FNDC3A: variants seen among roughly 807,000 people sequenced by gnomAD.
FNDC3A encodes fibronectin type III domain containing 3A.
FNDC3A carries 32 observed loss-of-function variants against 148.9 expected under a neutral mutation model. The observed-to-expected ratio is 0.21, with a 90% CI of 0.16 to 0.29. The LOEUF is 0.29. Among genes scored for constraint, FNDC3A ranks in the 10% least tolerant of loss-of-function variants. FNDC3A has a pLI of 1.00. For synonymous variants in FNDC3A, 472 were observed against 473.6 expected (o/e 1.00, Z 0.04); for missense variants, 1,191 against 1,452.8 (o/e 0.82, Z 2.93).
At chr13:49,111,929 AC>A (rs1935360773) in intron 3 of FNDC3A, among the ~76,000 whole-genome samples, 1 of 152,168 alleles carries the variant, frequency 6.6e-6, no homozygotes, top group South Asian at 2.1e-4. Flanking sequence ...TAATTAAAAA[AC>A]AAAGTAGAAT....
intron 1 of FNDC3A, among the ~76,000 whole-genome samples, chr13:48,979,726 G>A (rs1951664936): frequency 6.6e-6 from 1 of 152,058 alleles, no homozygotes; most frequent in African/African-American, 2.4e-5. Context: ...TATGGCTTAG[G>A]TCAGGGGTCG....
At chr13:49,025,082 T>G (rs993546630) in intron 2 of FNDC3A, among the ~76,000 whole-genome samples, 2 of 152,038 alleles carry the variant, frequency 1.3e-5, no homozygotes. Context: ...CCGTAAATCA[T>G]TAGATTTAAA....
In FNDC3A at chr13:48,989,261, A is replaced by G; in HGVS notation, c.-40+13084A>G. Among the ~76,000 whole-genome samples the G allele has an allele frequency of 1.3e-5, 2 of 152,246 alleles. 1 individual carries two copies. The highest frequency in any genetic ancestry group is 4.1e-4 in the South Asian group (2 of 4,834). ...ATCTCCAGATTATTTATGGAAATACAAAAATATCCAACAGCCAACAAGATA... is the reference window on the plus strand; with the variant it reads ...ATCTCCAGATTATTTATGGAAATACGAAAATATCCAACAGCCAACAAGATA... On this transcript the variant is annotated intron_variant, in intron 1 of 25. Transcript: ENST00000492622.
At chr13:49,098,676 A>G (rs983092745) in intron 3 of FNDC3A, among the ~76,000 whole-genome samples, 2 of 152,072 alleles carry the variant, frequency 1.3e-5, no homozygotes, top group African/African-American at 2.4e-5. Context: ...TCATTCTTCA[A>G]ATGTACTCTA....
intron 25 of FNDC3A, 99 bp downstream of exon 25, chr13:49,203,383 C>A: frequency 2.5e-6 from 2 of 815,048 alleles, no homozygotes; most frequent in South Asian, 1.8e-5. Flanking sequence ...CCTTTTAATT[C>A]ATAAATATTT....
chr13:49,137,189 A>G (rs974707501), intron 6 of FNDC3A, among the ~76,000 whole-genome samples: 2 of 152,122 alleles, frequency 1.3e-5, no homozygotes, highest in Non-Finnish European at 2.9e-5. Flanking sequence ...AAATAGTTAT[A>G]TCATTTACTA....
intron 8 of FNDC3A, among the ~76,000 whole-genome samples, chr13:49,157,407 TA>T (rs1291927206): frequency 1.5e-5 from 2 of 135,184 alleles, no homozygotes; most frequent in African/African-American, 2.8e-5. Context: ...TTGGTTATTC[TA>T]GTTATACATT....
intron 2 of FNDC3A, among the ~76,000 whole-genome samples, chr13:49,066,916 A>G (rs1181174335): frequency 1.3e-5 from 2 of 152,042 alleles, no homozygotes; most frequent in African/African-American, 2.4e-5. Context: ...TGAGACTAGC[A>G]TTGTTTTGCA....
intron 2 of FNDC3A, among the ~76,000 whole-genome samples, chr13:49,057,966 C>T (rs1566219864): frequency 6.6e-6 from 1 of 152,040 alleles, no homozygotes; most frequent in Non-Finnish European, 1.5e-5. Flanking sequence ...AAGTCCTAAC[C>T]CCTAGTACCT....
At chr13:49,047,792 TTTAA>T (rs1875529774) in intron 2 of FNDC3A, among the ~76,000 whole-genome samples, 1 of 152,220 alleles carries the variant, frequency 6.6e-6, no homozygotes, top group Admixed American at 6.5e-5. Context: ...AACTTTTTAG[TTTAA>T]TTAAGTCCCA....
chr13:49,158,050 C>G (rs1883822281), intron 8 of FNDC3A, among the ~76,000 whole-genome samples: 1 of 152,118 alleles, frequency 6.6e-6, no homozygotes, highest in Non-Finnish European at 1.5e-5. Context: ...GGGCTCCACT[C>G]AGTTCGAGCT....
chr13:49,131,121 G>A lies in FNDC3A; in HGVS notation c.253-16G>A. ...TATTCTATGGAAGAAATTTTAATCT[G>A]ATGTTCATTTTGTAGGTTATTGAAG... On this transcript the variant is annotated splice_polypyrimidine_tract_variant and intron_variant, in intron 4 of 25. Transcript: ENST00000492622. The A allele has an allele frequency of 6.4e-7, 1 of 1,569,464 alleles. No homozygotes were observed. Among genetic ancestry groups the A allele is most frequent in the Non-Finnish European group, 8.8e-7 (1 of 1,139,402 alleles).
chr13:49,083,752 C>G (rs1436901746), intron 3 of FNDC3A, among the ~76,000 whole-genome samples: 4 of 152,162 alleles, frequency 2.6e-5, no homozygotes, highest in Non-Finnish European at 5.9e-5. Context: ...CGGGGAAGAA[C>G]AGCTATGGCT....
chr13:49,062,067 A>G (rs1350555778), intron 2 of FNDC3A, among the ~76,000 whole-genome samples: 1 of 152,054 alleles, frequency 6.6e-6, no homozygotes, highest in Non-Finnish European at 1.5e-5. Context: ...AAGAATATTC[A>G]CAAAGCCCCG....
chr13:49,019,458 G>A (rs573694922), intron 2 of FNDC3A, among the ~76,000 whole-genome samples: 3 of 152,272 alleles, frequency 2.0e-5, no homozygotes, highest in African/African-American at 7.2e-5. Flanking sequence ...GCCCTGCTTC[G>A]GCTCACGCAG....
At chr13:49,133,068 T>C (rs1397613929) in intron 5 of FNDC3A, among the ~76,000 whole-genome samples, 1 of 152,182 alleles carries the variant, frequency 6.6e-6, no homozygotes, top group Non-Finnish European at 1.5e-5. Context: ...CTGTAAATAG[T>C]GGATATATTG....
In FNDC3A at chr13:48,976,148, C is replaced by T. The variant is rs1387157839; in HGVS notation, c.-69C>T. On this transcript the variant is annotated 5_prime_UTR_variant, in exon 1 of 26. Transcript: ENST00000492622. ...CTAAGAAGAGGCGCCAGAGGAGCCG[C>T]CTTCTGCCTCAGAACGGCGTGACTC... The T allele has an allele frequency of 6.6e-6, 1 of 152,312 alleles. No individual in the cohort carries two copies. Among genetic ancestry groups the T allele is most frequent in the African/African-American group, 2.4e-5 (1 of 41,466 alleles). 9.4% of individuals were successfully genotyped at this position (152,312 alleles called of 1,614,324 possible).
intron 2 of FNDC3A, chr13:49,045,718 T>C: frequency 8.8e-7 from 1 of 1,130,272 alleles, no homozygotes; most frequent in Non-Finnish European, 1.3e-6. Flanking sequence ...ACCTCTTGAT[T>C]TTCAAAAACC....
chr13:49,075,654 A>G (rs1878045453), intron 3 of FNDC3A, among the ~76,000 whole-genome samples: 1 of 152,154 alleles, frequency 6.6e-6, no homozygotes, highest in South Asian at 2.1e-4. Context: ...TTTCAGAAAG[A>G]TCATTTCAGC....
Sources: gnomAD v4.1 joint callset for allele counts (sites outside exome capture counted in the v4.1 genomes callset) on GRCh38, gnomAD v4.1.1 for gene constraint, MANE v1.5 for transcripts, NCBI Gene and HGNC (gene_info 2026-07-23, HGNC 2026-07-21) for gene names.